TRAK1: variants seen among roughly 807,000 people sequenced by gnomAD.
TRAK1 encodes the protein trafficking kinesin-binding protein 1.
Under a neutral mutation model 92.1 loss-of-function variants are expected in TRAK1, and 33 were observed. The observed-to-expected ratio is 0.36, with a 90% CI of 0.27 to 0.48. TRAK1 has a LOEUF of 0.48. TRAK1 is among the 20% of genes least tolerant of loss of function. The probability of loss-of-function intolerance (pLI) is 0.99; values close to 1 mark genes in which losing one functional copy is unlikely to be tolerated. For missense variants in TRAK1, 1,123 were observed against 1,257.9 expected, an observed-to-expected ratio of 0.89 and a Z score of 1.62; for synonymous variants, 521 against 517.3, an observed-to-expected ratio of 1.01 and a Z score of -0.10.
At chr3:42,136,311 G>A (rs965672760) in intron 2 of TRAK1, among the ~76,000 whole-genome samples, 1 of 152,086 alleles carries the variant, frequency 6.6e-6, no homozygotes, top group South Asian at 2.1e-4. Flanking sequence ...TAATGAACAC[G>A]AATGATCTTT....
chr3:42,170,946 C>A (rs1427393542), intron 2 of TRAK1, among the ~76,000 whole-genome samples: 1 of 151,874 alleles, frequency 6.6e-6, no homozygotes, highest in Admixed American at 6.6e-5. Flanking sequence ...GCCTCAGCCT[C>A]CCCAGTGGCT....
chr3:42,171,300 G>A (rs1305341413), intron 2 of TRAK1, among the ~76,000 whole-genome samples: 3 of 152,176 alleles, frequency 2.0e-5, no homozygotes, highest in Non-Finnish European at 2.9e-5. Flanking sequence ...ATTAGGTTAA[G>A]TAGTGATGAG....
chr3:42,068,661 CAT>C (rs1466705577), intron 1 of TRAK1, among the ~76,000 whole-genome samples: 2 of 152,182 alleles, frequency 1.3e-5, no homozygotes, highest in African/African-American at 2.4e-5. Flanking sequence ...GAAATTTGCA[CAT>C]AGTCTGTTTG....
At chr3:42,200,098 G>T (rs377565059) in intron 11 of TRAK1, among the ~76,000 whole-genome samples, 2 of 152,138 alleles carry the variant, frequency 1.3e-5, no homozygotes, top group East Asian at 3.8e-4. Flanking sequence ...AGGTTTCATT[G>T]TGTTTTCTGT....
intron 1 of TRAK1, among the ~76,000 whole-genome samples, chr3:42,110,293 G>T (rs896810044): frequency 2.0e-5 from 3 of 151,576 alleles, no homozygotes; most frequent in African/African-American, 7.3e-5. Context: ...AGAGGGAAAG[G>T]CTGTGGGGTG....
chr3:42,025,013 T>C (rs78138299), intron 1 of TRAK1, among the ~76,000 whole-genome samples: 9,413 of 152,306 alleles, frequency 0.062, 429 homozygotes, highest in Middle Eastern at 0.18. Flanking sequence ...TTCCTGATGC[T>C]AAGTTGCAGT....
chr3:42,218,036 T>C, intron 14 of TRAK1: 7 of 985,306 alleles, frequency 7.1e-6, no homozygotes, highest in South Asian at 4.7e-5. Flanking sequence ...GGCTGTCACG[T>C]CAGGTGCCAT....
intron 1 of TRAK1, among the ~76,000 whole-genome samples, chr3:42,057,807 A>G (rs1230765319): frequency 4.6e-5 from 7 of 152,128 alleles, no homozygotes. Context: ...AGTGTCCTGT[A>G]ACCTGGAGAA....
rs1458980679 is a variant in TRAK1, at chr3:42,039,218, A to G, written c.-519+25101A>G. On this transcript the variant is annotated intron_variant, in intron 1 of 16. Transcript: ENST00000487159. ...TTGTGTTTGGCTTCTTTCACTTGGC[A>G]TAGTGTTTTTAAGTGTTGCCCATGT... Among the ~76,000 whole-genome samples, 3 of 152,084 alleles carry G rather than the reference A, an allele frequency of 2.0e-5. No homozygotes were observed. The South Asian group carries it at 6.2e-4, about 32-fold the overall frequency.
intron 15 of TRAK1, among the ~76,000 whole-genome samples, chr3:42,220,817 G>T (rs1207680920): frequency 6.6e-6 from 1 of 152,166 alleles, no homozygotes; most frequent in Non-Finnish European, 1.5e-5. Context: ...CACCAGACGG[G>T]GATCATAAAT....
At chr3:42,112,494 G>A (rs1708573510) in intron 1 of TRAK1, among the ~76,000 whole-genome samples, 1 of 151,188 alleles carries the variant, frequency 6.6e-6, no homozygotes, top group African/African-American at 2.4e-5. Context: ...CATCACTTTG[G>A]GAGGCAAAGG....
chr3:42,178,584 TTTGTTCATCCAGC>T (rs1386597395), intron 3 of TRAK1, among the ~76,000 whole-genome samples: 1 of 152,168 alleles, frequency 6.6e-6, no homozygotes, highest in African/African-American at 2.4e-5. Flanking sequence ...TCCTGTTTGT[TTTGTTCATCCAGC>T]TGGATGAACA....
At chr3:42,214,942 T>A (rs1435944787) in intron 14 of TRAK1, among the ~76,000 whole-genome samples, 1 of 152,242 alleles carries the variant, frequency 6.6e-6, no homozygotes, top group African/African-American at 2.4e-5. Context: ...ATCACTTTTG[T>A]ATTTTTTAAA....
chr3:42,144,911 G>A (rs1699144022), intron 2 of TRAK1, among the ~76,000 whole-genome samples: 2 of 152,156 alleles, frequency 1.3e-5, no homozygotes, highest in Non-Finnish European at 2.9e-5. Flanking sequence ...CCCTGCTGAA[G>A]TATTACATTT....
At chr3:42,158,243 T>C (rs1010526767) in intron 2 of TRAK1, among the ~76,000 whole-genome samples, 1 of 152,232 alleles carries the variant, frequency 6.6e-6, no homozygotes, top group African/African-American at 2.4e-5. Context: ...GATAGTATTT[T>C]TGAATTGGTG....
chr3:42,017,866 A>G (rs1701582132), intron 1 of TRAK1, among the ~76,000 whole-genome samples: 1 of 152,122 alleles, frequency 6.6e-6, no homozygotes, highest in South Asian at 2.1e-4. Flanking sequence ...TTTATTTTAC[A>G]GTGCTGTTCC....
chr3:42,085,221 G>T (rs147701981), upstream of TRAK1, among the ~76,000 whole-genome samples: 6,172 of 152,154 alleles, frequency 0.041, 414 homozygotes, highest in African/African-American at 0.14. Flanking sequence ...AGGCTGGAGT[G>T]CAGTGGCATG....
intron 3 of TRAK1, among the ~76,000 whole-genome samples, chr3:42,181,746 A>G (rs907314035): frequency 2.0e-5 from 3 of 152,174 alleles, no homozygotes; most frequent in Non-Finnish European, 4.4e-5. Context: ...TTTGGAGACT[A>G]TACTTCCAAA....
intron 15 of TRAK1, 67 bp from the exon 16 acceptor site, chr3:42,222,875 G>A: frequency 6.5e-7 from 1 of 1,545,204 alleles, no homozygotes; most frequent in Non-Finnish European, 8.8e-7. Context: ...GCAGGAAACT[G>A]GCCACTGACC....
Sources: allele counts gnomAD v4.1 joint callset (sites outside exome capture counted in the v4.1 genomes callset), GRCh38; gene constraint gnomAD v4.1.1; transcripts MANE v1.5; gene names NCBI Gene and HGNC (gene_info 2026-07-23, HGNC 2026-07-21).